The following SPECC1 variants were observed in gnomAD, a reference collection of about 807,000 sequenced individuals.
SPECC1 encodes cytospin-B.
SPECC1 carries 62 observed loss-of-function variants against 104.1 expected under a neutral mutation model. The ratio of observed to expected loss-of-function variants is 0.60; its 90% CI spans 0.49 to 0.74. The LOEUF (loss-of-function observed/expected upper bound fraction) is 0.74, where lower values mean the gene tolerates loss of function less well. Ranked by LOEUF, SPECC1 falls within the 30% of genes least tolerant of loss-of-function variation. The pLI is 0.00. For synonymous variants in SPECC1, 513 were observed against 501.6 expected (o/e 1.02, Z -0.30); for missense variants, 1,306 against 1,310.5 (o/e 1.00, Z 0.05).
chr17:20,078,052 CTCTA>C (rs2046829579), intron 1 of SPECC1, among the ~76,000 whole-genome samples: 1 of 151,640 alleles, frequency 6.6e-6, no homozygotes, highest in African/African-American at 2.4e-5. Flanking sequence ...ATATAGATGA[CTCTA>C]TATACATGAG....
rs74319100 is a variant in SPECC1, at chr17:20,318,079, A to G, written c.*4014A>G. The G allele has an allele frequency of 0.12, 26,827 of 231,056 alleles. 1,605 individuals carry two copies. The highest frequency in any genetic ancestry group is 0.13 in the Admixed American group (2,304 of 17,728). 14.3% of individuals were successfully genotyped at this position (231,056 alleles called of 1,614,324 possible). On this transcript the variant is annotated 3_prime_UTR_variant, in exon 15 of 15. Coordinates refer to ENST00000395527, the MANE Select transcript of SPECC1 (RefSeq NM_001243439.2). ...TGTCCTGAGGATTTCAAAGACCACA[A>G]CAGCCACATTTCTTTCCATCTTCCC... is the stretch of plus-strand genomic sequence containing the variant.
chr17:20,031,399 A>T (rs951770313), intron 1 of SPECC1, among the ~76,000 whole-genome samples: 1 of 152,036 alleles, frequency 6.6e-6, no homozygotes, highest in African/African-American at 2.4e-5. Flanking sequence ...AGCTCACTGC[A>T]ACCTCCGCCT....
At chr17:20,148,829 C>T (rs1467612207) in intron 3 of SPECC1, among the ~76,000 whole-genome samples, 2 of 152,078 alleles carry the variant, frequency 1.3e-5, no homozygotes, top group Non-Finnish European at 2.9e-5. Flanking sequence ...AAGCGATTCT[C>T]CTGCCTCAGG....
intron 3 of SPECC1, among the ~76,000 whole-genome samples, chr17:20,114,948 T>C (rs1036851821): frequency 2.6e-5 from 4 of 152,264 alleles, no homozygotes; most frequent in African/African-American, 9.6e-5. Context: ...GCCTAAATTA[T>C]ATTTAAATCA....
intron 14 of SPECC1, 102 bp from the exon 15 acceptor site, chr17:20,313,874 G>A (rs2041994905): frequency 9.4e-7 from 1 of 1,062,008 alleles, no homozygotes; most frequent in African/African-American, 1.6e-5. Context: ...TAAGTGGAGG[G>A]TTTCCAGGCA....
intron 1 of SPECC1, among the ~76,000 whole-genome samples, chr17:20,074,824 A>G (rs574502703): frequency 2.2e-4 from 34 of 152,176 alleles, no homozygotes; most frequent in Admixed American, 4.6e-4. Context: ...GCAATACTAA[A>G]CTTTCATTTG....
At chr17:20,156,217 G>A (rs1402649530) in intron 3 of SPECC1, 2 of 1,417,066 alleles carry the variant, frequency 1.4e-6, no homozygotes, top group African/African-American at 1.5e-5. Context: ...ACTCAGGACG[G>A]CCCGAGGATC....
intron 12 of SPECC1, among the ~76,000 whole-genome samples, chr17:20,265,119 G>A (rs1045306727): frequency 6.6e-6 from 1 of 152,088 alleles, no homozygotes; most frequent in African/African-American, 2.4e-5. Flanking sequence ...ATTTTTCTTT[G>A]GGTATATACC....
At chr17:20,229,983 T>G (rs2038471150) in intron 5 of SPECC1, among the ~76,000 whole-genome samples, 1 of 152,204 alleles carries the variant, frequency 6.6e-6, no homozygotes, top group Non-Finnish European at 1.5e-5. Context: ...AAGGTTAACC[T>G]TGCAGGCAGG....
chr17:20,138,105 A>T (rs2030253350), intron 3 of SPECC1, among the ~76,000 whole-genome samples: 1 of 152,082 alleles, frequency 6.6e-6, no homozygotes, highest in South Asian at 2.1e-4. Context: ...AGTAGCTGGG[A>T]CTACAGGTGG....
intron 1 of SPECC1, among the ~76,000 whole-genome samples, chr17:20,069,628 A>G (rs571730665): frequency 6.6e-6 from 1 of 152,238 alleles, no homozygotes; most frequent in East Asian, 1.9e-4. Context: ...TCCTTGTTGA[A>G]AATCAACTGC....
chr17:20,317,740 A>C lies in SPECC1; in HGVS notation c.*3675A>C. The stretch of plus-strand genomic sequence containing the variant: ...GACCCTGTCACACACACACACAAAA[A>C]AAAGAAATACAGGTGGTGTTTTGGG... On this transcript the variant is annotated 3_prime_UTR_variant, in exon 15 of 15. Transcript: ENST00000395527. The C allele has an allele frequency of 4.6e-6, 1 of 217,524 alleles. No homozygotes were observed. Among genetic ancestry groups the C allele is most frequent in the Non-Finnish European group, 9.2e-6 (1 of 108,296 alleles). The allele number at this position is 217,524 out of a possible 1,614,324, so 13.5% of individuals were successfully genotyped here.
chr17:20,108,138 A>G (rs1015723194), intron 2 of SPECC1, among the ~76,000 whole-genome samples: 1 of 152,134 alleles, frequency 6.6e-6, no homozygotes, highest in Non-Finnish European at 1.5e-5. Flanking sequence ...CAACATGGTG[A>G]ATGTATTTAA....
At chr17:20,011,681 G>A (rs2043949096) in intron 1 of SPECC1, among the ~76,000 whole-genome samples, 2 of 151,726 alleles carry the variant, frequency 1.3e-5, no homozygotes, top group South Asian at 2.1e-4. Context: ...TTTTGTTCAA[G>A]TTTTAACTGT....
intron 3 of SPECC1, among the ~76,000 whole-genome samples, chr17:20,191,429 G>A (rs2035661621): frequency 6.6e-6 from 1 of 150,998 alleles, no homozygotes; most frequent in African/African-American, 2.4e-5. Context: ...TAGTTGTGTA[G>A]TGATATCTCA....
At chr17:20,155,685 C>CT (rs2032402159) in intron 3 of SPECC1, 1 of 159,104 alleles carries the variant, frequency 6.3e-6, no homozygotes, top group East Asian at 1.6e-4. Flanking sequence ...CCTGATAGGT[C>CT]TAGCTTCACA....
chr17:20,178,049 C>T (rs1428477629), intron 3 of SPECC1, among the ~76,000 whole-genome samples: 4 of 152,034 alleles, frequency 2.6e-5, no homozygotes, highest in Non-Finnish European at 4.4e-5. Flanking sequence ...CAGGGTCTGT[C>T]TTGCCCTGTC....
At chr17:20,060,851 TATAAAC>T (rs1395133142) in intron 1 of SPECC1, among the ~76,000 whole-genome samples, 2 of 152,204 alleles carry the variant, frequency 1.3e-5, no homozygotes, top group Admixed American at 6.5e-5. Flanking sequence ...TTTTAACAGA[TATAAAC>T]ATAAACACGT....
At chr17:20,084,260 C>T (rs551503310) in intron 1 of SPECC1, among the ~76,000 whole-genome samples, 1 of 152,220 alleles carries the variant, frequency 6.6e-6, no homozygotes, top group South Asian at 2.1e-4. Context: ...GAAACCCTGT[C>T]TCTACTAAAA....
Sources: gnomAD v4.1 joint callset for allele counts (sites outside exome capture counted in the v4.1 genomes callset) on GRCh38, gnomAD v4.1.1 for gene constraint, MANE v1.5 for transcripts, NCBI Gene and HGNC (gene_info 2026-07-23, HGNC 2026-07-21) for gene names.